Variants in PCSK5 observed in about 807,000 individuals in gnomAD.
PCSK5 encodes prohormone convertase 5.
PCSK5 carries 129 observed loss-of-function variants against 233.2 expected under a neutral mutation model. The ratio of observed to expected loss-of-function variants is 0.55; its 90% CI spans 0.48 to 0.64. PCSK5 has a LOEUF of 0.64. PCSK5 is among the 30% of genes least tolerant of loss of function. PCSK5 has a pLI of 0.00. For missense variants in PCSK5, 2,076 were observed against 2,430.1 expected (o/e 0.85, Z 3.06); for synonymous variants, 825 against 879.2 (o/e 0.94, Z 1.09).
intron 36 of PCSK5, 36 bp from the exon 37 acceptor site, chr9:76,353,997 T>C (rs772162955): frequency 5.1e-5 from 78 of 1,521,454 alleles, no homozygotes; most frequent in Non-Finnish European, 6.7e-5. Flanking sequence ...TTAATCCCTT[T>C]ACACTCAAAA....
At chr9:76,125,103 A>C (rs180765434) in intron 9 of PCSK5, among the ~76,000 whole-genome samples, 1 of 152,056 alleles carries the variant, frequency 6.6e-6, no homozygotes, top group East Asian at 1.9e-4. Context: ...TTGTTTAAAA[A>C]AATTATTCAT....
At chr9:76,215,958 CA>C (rs11330112) in intron 20 of PCSK5, among the ~76,000 whole-genome samples, 78,102 of 151,070 alleles carry the variant, frequency 0.52, 20,430 homozygotes, top group African/African-American at 0.61. Context: ...AAAATTAAAA[CA>C]AAAAAAAATG....
At position 76,040,383 on chromosome 9, in the gene PCSK5, C is replaced by G. The variant is rs867496533; in HGVS notation, c.632+13346C>G. 3.8e-3 allele frequency among the ~76,000 whole-genome samples: 226 copies of G among 59,478 alleles called. 1 individual carries two copies. The highest frequency in any genetic ancestry group is 0.02 in the Admixed American group (99 of 5,002). The allele number at this position is 59,478 out of a possible 152,430, so 39.0% of individuals were successfully genotyped here. A position where few individuals can be genotyped will look rare whatever the true frequency, so the allele number is the denominator to read the frequency against. ...TCTCTCTCTCTCTCTCTCTCTCTCT[C>G]TGTCTCTCTCTCTCTCTCTCTCTCT... On this transcript the variant is annotated intron_variant, in intron 5 of 37. Transcript: ENST00000674117.
chr9:76,245,957 A>C (rs1460367804), intron 24 of PCSK5, among the ~76,000 whole-genome samples: 2 of 152,112 alleles, frequency 1.3e-5, no homozygotes, highest in African/African-American at 4.8e-5. Context: ...ACAGAGGGAG[A>C]GATGTTTTTA....
intron 30 of PCSK5, among the ~76,000 whole-genome samples, chr9:76,314,460 T>C (rs1828960752): frequency 6.6e-6 from 1 of 152,200 alleles, no homozygotes; most frequent in Admixed American, 6.6e-5. Context: ...CTTGGGAAGC[T>C]TTATTGCTGT....
intron 1 of PCSK5, among the ~76,000 whole-genome samples, chr9:75,921,811 G>T (rs1823271056): frequency 6.6e-6 from 1 of 152,100 alleles, no homozygotes; most frequent in Non-Finnish European, 1.5e-5. Context: ...GACAAAAATG[G>T]ATTGAAGAAA....
intron 9 of PCSK5, among the ~76,000 whole-genome samples, chr9:76,123,821 C>T (rs773079232): frequency 2.0e-5 from 3 of 152,170 alleles, no homozygotes; most frequent in Non-Finnish European, 2.9e-5. Flanking sequence ...TCATGAAGGA[C>T]GACAAGTCTA....
intron 1 of PCSK5, among the ~76,000 whole-genome samples, chr9:75,893,499 T>C (rs1450722875): frequency 6.6e-6 from 1 of 152,242 alleles, no homozygotes; most frequent in Non-Finnish European, 1.5e-5. Context: ...CAAACGCACC[T>C]AGCTTTCTTG....
intron 30 of PCSK5, among the ~76,000 whole-genome samples, chr9:76,317,998 G>T (rs1015140264): frequency 1.3e-5 from 2 of 152,098 alleles, no homozygotes; most frequent in South Asian, 4.1e-4. Flanking sequence ...ATATTATGGC[G>T]CTAACTCACT....
At chr9:76,206,148 G>A (rs2131277694) in intron 20 of PCSK5, among the ~76,000 whole-genome samples, 1 of 152,276 alleles carries the variant, frequency 6.6e-6, no homozygotes, top group East Asian at 1.9e-4. Flanking sequence ...TAGATCCGAG[G>A]TGGAATCTGA....
chr9:75,916,212 G>A (rs1822981914), intron 1 of PCSK5, among the ~76,000 whole-genome samples: 2 of 152,152 alleles, frequency 1.3e-5, no homozygotes, highest in Admixed American at 6.5e-5. Context: ...ATGTACTTTA[G>A]CATTTAGCCT....
chr9:76,014,934 T>G (rs906821493), intron 3 of PCSK5, among the ~76,000 whole-genome samples: 2 of 151,998 alleles, frequency 1.3e-5, no homozygotes, highest in African/African-American at 4.8e-5. Context: ...TTATCTGTAT[T>G]ATATATATAT....
chr9:75,945,186 A>T (rs966532615), intron 2 of PCSK5, among the ~76,000 whole-genome samples: 1 of 150,778 alleles, frequency 6.6e-6, no homozygotes, highest in Non-Finnish European at 1.5e-5. Context: ...TCATACATAT[A>T]TAATATAACA....
At chr9:76,125,054 T>G (rs540263628) in intron 9 of PCSK5, among the ~76,000 whole-genome samples, 6 of 152,250 alleles carry the variant, frequency 3.9e-5, no homozygotes, top group Non-Finnish European at 7.3e-5. Context: ...TACTCTCCTC[T>G]TACATTTCTT....
intron 7 of PCSK5, among the ~76,000 whole-genome samples, chr9:76,079,507 C>T (rs766067545): frequency 3.9e-5 from 6 of 152,146 alleles, no homozygotes; most frequent in South Asian, 2.1e-4. Flanking sequence ...GATTTTCGTG[C>T]GTTGGTTTTA....
chr9:76,006,367 C>T (rs145431490), intron 3 of PCSK5, among the ~76,000 whole-genome samples: 329 of 151,980 alleles, frequency 2.2e-3, no homozygotes, highest in Non-Finnish European at 3.6e-3. Context: ...GTATGTGGCC[C>T]ATTCCTTGTT....
intron 20 of PCSK5, among the ~76,000 whole-genome samples, chr9:76,199,701 C>A (rs779293503): frequency 6.6e-6 from 1 of 151,898 alleles, no homozygotes; most frequent in Non-Finnish European, 1.5e-5. Flanking sequence ...CTTCCCTGTG[C>A]CTTCTACACT....
At chr9:76,121,185 G>A (rs746274185) in intron 9 of PCSK5, among the ~76,000 whole-genome samples, 8 of 151,378 alleles carry the variant, frequency 5.3e-5, no homozygotes, top group Non-Finnish European at 1.0e-4. Context: ...CGTATGCAGC[G>A]TTTTTTGTTT....
At chr9:76,107,656 G>A (rs1212010411) in intron 9 of PCSK5, among the ~76,000 whole-genome samples, 1 of 152,116 alleles carries the variant, frequency 6.6e-6, no homozygotes, top group African/African-American at 2.4e-5. Context: ...TTCTAGTCTG[G>A]GAATGTTCCT....
Sources: gnomAD v4.1 joint callset for allele counts (sites outside exome capture counted in the v4.1 genomes callset) on GRCh38, gnomAD v4.1.1 for gene constraint, MANE v1.5 for transcripts, NCBI Gene and HGNC (gene_info 2026-07-23, HGNC 2026-07-21) for gene names.